Variants in DYSF observed in about 807,000 individuals in gnomAD.
The protein encoded by DYSF is dystrophy-associated fer-1-like 1.
In DYSF, 212 loss-of-function variants were observed where a neutral mutation model predicts 274.9. The observed-to-expected ratio is 0.77, with a 90% CI of 0.69 to 0.86. The LOEUF (loss-of-function observed/expected upper bound fraction) is 0.86, where lower values mean the gene tolerates loss of function less well. Among genes scored for constraint, DYSF ranks in the 40% least tolerant of loss-of-function variants. The pLI is 0.00. For missense variants in DYSF, 2,666 were observed against 2,783.2 expected (o/e 0.96, Z 0.95); for synonymous variants, 1,091 against 1,078.7 (o/e 1.01, Z -0.22).
chr2:71,658,358 G>A (rs868734179), intron 43 of DYSF, among the ~76,000 whole-genome samples: 6 of 152,124 alleles, frequency 3.9e-5, no homozygotes, highest in East Asian at 3.9e-4. Context: ...AGTTTTCCAC[G>A]TTTTCCCATC....
chr2:71,563,803 G>A (rs13423516), intron 23 of DYSF, among the ~76,000 whole-genome samples: 3 of 152,244 alleles, frequency 2.0e-5, no homozygotes, highest in Non-Finnish European at 4.4e-5. Context: ...ACTCAGCTCA[G>A]TAACCTTGGT....
At chr2:71,620,882 G>T (rs1351422076) in intron 41 of DYSF, among the ~76,000 whole-genome samples, 1 of 152,116 alleles carries the variant, frequency 6.6e-6, no homozygotes. Context: ...GGGGCTGCAT[G>T]GGCCAGTGGA....
intron 30 of DYSF, among the ~76,000 whole-genome samples, chr2:71,586,715 G>T (rs2093078994): frequency 6.6e-6 from 1 of 152,110 alleles, no homozygotes; most frequent in Non-Finnish European, 1.5e-5. Context: ...TCTAGAGGAG[G>T]TGCCTGGTGA....
At chr2:71,537,277 G>A (rs137986467) in intron 16 of DYSF, among the ~76,000 whole-genome samples, 3 of 125,838 alleles carry the variant, frequency 2.4e-5, no homozygotes, top group Non-Finnish European at 4.7e-5. Context: ...ATGGAGTTTC[G>A]CTCTTGTCAC....
At chr2:71,569,967 A>G in intron 27 of DYSF, 33 bp downstream of exon 27, 1 of 1,596,426 alleles carries the variant, frequency 6.3e-7, no homozygotes, top group South Asian at 1.1e-5. Context: ...GGTGGGGTCT[A>G]GACATTTGGT....
rs559305759 is a variant in DYSF at position 71,568,042 on chromosome 2, A to G, written c.2657A>G (p.Asn886Ser). The G allele has an allele frequency of 1.2e-5, 20 of 1,614,124 alleles. No individual in the cohort carries two copies. Among genetic ancestry groups the G allele is most frequent in the South Asian group, 3.3e-5 (3 of 91,072 alleles). The change falls in exon 25 of 56, where the codon AAC (asparagine) becomes AGC (serine). Residue 886 changes from asparagine (N) to serine (S), a missense_variant. Asn to Ser is a conservative substitution (Grantham distance 46). Coordinates refer to ENST00000410020, the MANE Select transcript of DYSF (RefSeq NM_001130987.2). ...FGLSVDEKEF[N>S]QFAEGKLSVF... is the part of the protein sequence containing the mutation. ...CTCTCAGTGGATGAGAAGGAGTTCA[A>G]CCAGTTTGCTGAGGGGAAGCTGTCT...
intron 33 of DYSF, among the ~76,000 whole-genome samples, chr2:71,599,730 G>T (rs1470266710): frequency 6.6e-6 from 1 of 152,214 alleles, no homozygotes; most frequent in Non-Finnish European, 1.5e-5. Context: ...GAAAGGGGAG[G>T]GGCTGGGTTT....
At chr2:71,546,405 C>T (rs1453742912) in intron 17 of DYSF, among the ~76,000 whole-genome samples, 1 of 152,218 alleles carries the variant, frequency 6.6e-6, no homozygotes, top group Admixed American at 6.5e-5. Context: ...GTTCAACTAG[C>T]AGTTTTTGTT....
chr2:71,545,459 G>C (rs2090391445), intron 17 of DYSF, among the ~76,000 whole-genome samples: 1 of 152,106 alleles, frequency 6.6e-6, no homozygotes, highest in African/African-American at 2.4e-5. Flanking sequence ...CTCGCTGGGG[G>C]AACAATCTGT....
intron 51 of DYSF, among the ~76,000 whole-genome samples, chr2:71,672,897 C>T (rs78113148): frequency 0.017 from 2,598 of 152,358 alleles, 71 homozygotes; most frequent in African/African-American, 0.059. Flanking sequence ...CTTCCCCAAC[C>T]CAGGCAGCAG....
At chr2:71,510,574 G>A (rs1452350838) in intron 4 of DYSF, among the ~76,000 whole-genome samples, 1 of 152,178 alleles carries the variant, frequency 6.6e-6, no homozygotes, top group Admixed American at 6.5e-5. Context: ...GCTCTCCTTA[G>A]TGTGGCTGTC....
chr2:71,574,543 C>G (rs1393577580), intron 30 of DYSF, among the ~76,000 whole-genome samples, 172 bp downstream of exon 30: 25 of 152,148 alleles, frequency 1.6e-4, no homozygotes, highest in Admixed American at 1.6e-3. Flanking sequence ...GAAAGCAGCC[C>G]CAGTCTGGGT....
At chr2:71,667,536 T>A in intron 48 of DYSF, 21 bp downstream of exon 48, 3 of 1,613,748 alleles carry the variant, frequency 1.9e-6, no homozygotes, top group Non-Finnish European at 2.5e-6. Context: ...GACCCTTGGG[T>A]CCCAGAGTCC....
intron 41 of DYSF, among the ~76,000 whole-genome samples, chr2:71,625,211 C>T (rs1220184637): frequency 6.6e-6 from 1 of 152,004 alleles, no homozygotes; most frequent in Non-Finnish European, 1.5e-5. Flanking sequence ...TTCTAGATAT[C>T]TTGGGTTATC....
chr2:71,565,329 G>C (rs1244269494), intron 24 of DYSF, among the ~76,000 whole-genome samples: 1 of 150,422 alleles, frequency 6.6e-6, no homozygotes, highest in East Asian at 2.0e-4. Context: ...GACCTCAGGT[G>C]ATCCGCCTGC....
At chr2:71,543,425 C>T (rs916411433) in intron 17 of DYSF, among the ~76,000 whole-genome samples, 2 of 151,528 alleles carry the variant, frequency 1.3e-5, no homozygotes, top group Non-Finnish European at 1.5e-5. Flanking sequence ...GATGGGCGGC[C>T]AGGCAGAGAC....
rs1298041271 is a variant in DYSF, at chr2:71,658,941, C to T, written c.4819C>T (p.His1607Tyr). The change falls in exon 44 of 56, where the codon CAC becomes TAC. Residue 1607 changes from histidine to tyrosine, a missense_variant. Coordinates refer to ENST00000410020, the MANE Select transcript of DYSF (RefSeq NM_001130987.2). ...PAIPMPPRQFHQLAAQGPQEC... is the reference protein window; with the variant it reads ...PAIPMPPRQFYQLAAQGPQEC... ...CATCCCCATGCCCCCAAGACAGTTC[C>T]ACCAGCTGGCCGCCCAGGGACCCCA... 7 of 1,614,208 alleles carry T rather than the reference C, an allele frequency of 4.3e-6. No homozygotes were observed. Among genetic ancestry groups the T allele is most frequent in the Non-Finnish European group, 5.9e-6 (7 of 1,180,032 alleles).
At position 71,561,945 on chromosome 2, in the gene DYSF, G is replaced by A. The variant is rs151317754; in HGVS notation, c.2409+1G>A. 3 of 1,613,232 alleles carry A rather than the reference G, an allele frequency of 1.9e-6. No individual in the cohort carries two copies. Among genetic ancestry groups the A allele is most frequent in the African/African-American group, 2.7e-5 (2 of 74,912 alleles). On this transcript the variant is annotated splice_donor_variant, in intron 23 of 55. Transcript: ENST00000410020. LOFTEE classifies it high-confidence loss of function. ...GCGTCTGCGTGCCCTGGCAGAGGAGGTAATTAAGCCTGGGGGTGCCTTTCT... is the reference window on the plus strand; with the variant it reads ...GCGTCTGCGTGCCCTGGCAGAGGAGATAATTAAGCCTGGGGGTGCCTTTCT...
At chr2:71,475,534 G>A (rs1366797413) in intron 1 of DYSF, among the ~76,000 whole-genome samples, 1 of 152,022 alleles carries the variant, frequency 6.6e-6, no homozygotes, top group African/African-American at 2.4e-5. Flanking sequence ...GAGAGTCAGG[G>A]GAGTCTTACC....
Sources: allele counts gnomAD v4.1 joint callset (sites outside exome capture counted in the v4.1 genomes callset), GRCh38; gene constraint gnomAD v4.1.1; transcripts MANE v1.5; gene names NCBI Gene and HGNC (gene_info 2026-07-23, HGNC 2026-07-21).